Variants in ARHGAP26 observed in about 807,000 individuals in gnomAD.
ARHGAP26 encodes Rho GTPase activating protein 26.
Under a neutral mutation model 104.8 loss-of-function variants are expected in ARHGAP26, and 38 were observed. That is an observed-to-expected ratio of 0.36 (90% CI 0.28 to 0.48). The LOEUF is 0.48. Ranked by LOEUF, ARHGAP26 falls within the 20% of genes least tolerant of loss-of-function variation. ARHGAP26 has a pLI of 0.99. For synonymous variants in ARHGAP26, 341 were observed against 340.0 expected (o/e 1.00, Z -0.03); for missense variants, 704 against 947.9 (o/e 0.74, Z 3.38).
At chr5:142,947,094 G>GT (rs1491336934) in intron 11 of ARHGAP26, 16 of 29,038 alleles carry the variant, frequency 5.5e-4, no homozygotes, top group African/African-American at 2.9e-3. Flanking sequence ...ATTTTTAAAA[G>GT]TAAAAAAAAA....
chr5:143,183,894 T>G (rs1372931052), intron 20 of ARHGAP26, among the ~76,000 whole-genome samples: 2 of 152,202 alleles, frequency 1.3e-5, no homozygotes, highest in Non-Finnish European at 2.9e-5. Context: ...TCCATTTTCT[T>G]AAGTTTCAGT....
chr5:142,774,263 G>A (rs1284959189), intron 1 of ARHGAP26, among the ~76,000 whole-genome samples: 1 of 152,090 alleles, frequency 6.6e-6, no homozygotes, highest in Non-Finnish European at 1.5e-5. Context: ...AATTTTTATA[G>A]TTTTTATATA....
At chr5:142,775,007 A>G (rs190994583) in intron 1 of ARHGAP26, among the ~76,000 whole-genome samples, 25 of 152,168 alleles carry the variant, frequency 1.6e-4, no homozygotes, top group African/African-American at 6.0e-4. Context: ...GTCGTTTCCA[A>G]GTTTTATCAA....
chr5:143,087,633 A>ATTTTTTTTTTTT (rs1292744774), intron 17 of ARHGAP26, among the ~76,000 whole-genome samples: 3 of 19,338 alleles, frequency 1.6e-4, no homozygotes, highest in African/African-American at 3.4e-4. Flanking sequence ...ACCCTGGCCC[A>ATTTTTTTTTTTT]TTCTTTTTTT....
chr5:143,101,679 G>A (rs1238814704), intron 17 of ARHGAP26, among the ~76,000 whole-genome samples: 3 of 148,978 alleles, frequency 2.0e-5, no homozygotes, highest in East Asian at 3.9e-4. Context: ...CACACACACT[G>A]TTGCCTTGAA....
chr5:142,816,559 A>G (rs1765173224), intron 1 of ARHGAP26, among the ~76,000 whole-genome samples: 1 of 152,172 alleles, frequency 6.6e-6, no homozygotes, highest in Non-Finnish European at 1.5e-5. Context: ...GAGAAAGAGG[A>G]GTTGAGTCAG....
intron 10 of ARHGAP26, among the ~76,000 whole-genome samples, chr5:142,924,939 A>C (rs1239010852): frequency 2.0e-5 from 3 of 152,242 alleles, no homozygotes; most frequent in Admixed American, 1.3e-4. Flanking sequence ...GTCTTAATGC[A>C]TGAGATGGAT....
At chr5:143,197,425 T>C (rs1373393305) in intron 20 of ARHGAP26, among the ~76,000 whole-genome samples, 2 of 152,234 alleles carry the variant, frequency 1.3e-5, no homozygotes, top group Non-Finnish European at 2.9e-5. Context: ...TATTTAGTCA[T>C]TCTGGTGGGT....
chr5:143,140,063 C>T (rs1307389503), intron 19 of ARHGAP26, among the ~76,000 whole-genome samples: 1 of 152,196 alleles, frequency 6.6e-6, no homozygotes, highest in Non-Finnish European at 1.5e-5. Flanking sequence ...GCATTTGAAT[C>T]TTGTAGGGAG....
At position 143,067,215 on chromosome 5, in the gene ARHGAP26, T is replaced by A. The variant is rs145269411; in HGVS notation, c.1538+9468T>A. Among the ~76,000 whole-genome samples, 119 of 152,332 alleles carry A rather than the reference T, an allele frequency of 7.8e-4. 3 individuals carry two copies. In the East Asian group the frequency reaches 0.021, roughly 27 times the overall value. ...CCACTCATCTTTGTGATCTTTGAGATGTTTCCCTTTGTGGGGGAGTCTGAC... is the reference window on the plus strand; with the variant it reads ...CCACTCATCTTTGTGATCTTTGAGAAGTTTCCCTTTGTGGGGGAGTCTGAC... On this transcript the variant is annotated intron_variant, in intron 17 of 22. Transcript: ENST00000645722.
intron 10 of ARHGAP26, chr5:142,919,479 A>C (rs1431588915): frequency 2.5e-6 from 1 of 398,134 alleles, no homozygotes; most frequent in Admixed American, 4.4e-5. Context: ...CGGCAGCCCC[A>C]GGAAATGAAC....
chr5:143,012,714 C>T (rs539426155), intron 11 of ARHGAP26, among the ~76,000 whole-genome samples: 2 of 149,208 alleles, frequency 1.3e-5, no homozygotes, highest in East Asian at 3.9e-4. Context: ...AGTGCAGTGG[C>T]GTGATCTCGG....
intron 17 of ARHGAP26, among the ~76,000 whole-genome samples, chr5:143,078,889 G>A (rs1049679652): frequency 2.0e-5 from 3 of 152,132 alleles, no homozygotes; most frequent in Admixed American, 2.0e-4. Flanking sequence ...CGGTGGTTAT[G>A]GTAGCATCAC....
rs562560309 is a variant in ARHGAP26 at position 143,138,089 on chromosome 5, C to T, written c.1837+3984C>T. Reference sequence around the variant, plus strand: ...GTAGACCAGTTGTGTGCCCAGGTCCCTGCCTGCGACTCTCTCTCTTTAATC... The same window carrying T: ...GTAGACCAGTTGTGTGCCCAGGTCCTTGCCTGCGACTCTCTCTCTTTAATC... On this transcript the variant is annotated intron_variant, in intron 19 of 22. Coordinates refer to ENST00000645722, the MANE Select transcript of ARHGAP26 (RefSeq NM_001135608.3). Among the ~76,000 whole-genome samples the T allele has an allele frequency of 2.6e-5, 4 of 152,278 alleles. No homozygotes were observed. In the South Asian group the frequency reaches 8.3e-4, roughly 32 times the overall value.
At chr5:143,029,177 C>G (rs1248852856) in intron 12 of ARHGAP26, among the ~76,000 whole-genome samples, 3 of 152,090 alleles carry the variant, frequency 2.0e-5, no homozygotes, top group Non-Finnish European at 4.4e-5. Flanking sequence ...ATGTTCATTT[C>G]AATGTGGGTG....
intron 11 of ARHGAP26, among the ~76,000 whole-genome samples, chr5:142,988,654 A>T (rs1775135466): frequency 6.6e-6 from 1 of 152,138 alleles, no homozygotes; most frequent in Non-Finnish European, 1.5e-5. Flanking sequence ...CTCTACACAC[A>T]GCTTTAAATG....
At chr5:143,195,210 A>C (rs1806634073) in intron 20 of ARHGAP26, among the ~76,000 whole-genome samples, 2 of 152,194 alleles carry the variant, frequency 1.3e-5, no homozygotes, top group African/African-American at 4.8e-5. Flanking sequence ...GTTTAACTTA[A>C]TCATCCTGGA....
chr5:143,118,976 G>A (rs13356063), intron 17 of ARHGAP26, among the ~76,000 whole-genome samples: 7,338 of 151,390 alleles, frequency 0.048, 598 homozygotes, highest in African/African-American at 0.17. Context: ...AAGAAAAACA[G>A]TGGGGCCCAC....
chr5:142,846,297 A>T (rs1771929755), intron 1 of ARHGAP26, among the ~76,000 whole-genome samples: 1 of 152,140 alleles, frequency 6.6e-6, no homozygotes. Flanking sequence ...GTTGTATCCA[A>T]GCTCAGAGGG....
Sources: gnomAD v4.1 joint callset for allele counts (sites outside exome capture counted in the v4.1 genomes callset) on GRCh38, gnomAD v4.1.1 for gene constraint, MANE v1.5 for transcripts, NCBI Gene and HGNC (gene_info 2026-07-23, HGNC 2026-07-21) for gene names.